ATG2B: variants seen among roughly 807,000 people sequenced by gnomAD.
The protein encoded by ATG2B is autophagy related 2B.
A neutral mutation model predicts 241.3 loss-of-function variants in ATG2B; 121 were observed. That is an observed-to-expected ratio of 0.50 (90% CI 0.43 to 0.58). The LOEUF is 0.58. Ranked by LOEUF, ATG2B falls within the 20% of genes least tolerant of loss-of-function variation. ATG2B has a pLI of 0.00. For synonymous variants in ATG2B, 858 were observed against 876.6 expected (o/e 0.98, Z 0.37); for missense variants, 2,306 against 2,491.6 (o/e 0.93, Z 1.59).
intron 6 of ATG2B, among the ~76,000 whole-genome samples, chr14:96,339,543 T>C (rs1887957440): frequency 6.6e-6 from 1 of 151,972 alleles, no homozygotes; most frequent in Admixed American, 6.6e-5. Flanking sequence ...CACTCAGCCA[T>C]AAAAAGGAAC....
At chr14:96,356,579 A>G (rs571778993) in intron 1 of ATG2B, among the ~76,000 whole-genome samples, 4 of 152,184 alleles carry the variant, frequency 2.6e-5, no homozygotes, top group South Asian at 2.1e-4. Context: ...ATTTTTAAAA[A>G]TGCAGTCAAG....
Position 96,311,579 on chromosome 14 carries a change from G to GT in ATG2B, c.3952dup (p.Thr1318AsnfsTer8), listed in dbSNP as rs1316339620. 1 of 1,609,572 alleles carries GT rather than the reference G, an allele frequency of 6.2e-7. No individual in the cohort carries two copies. Among genetic ancestry groups the GT allele is most frequent in the Non-Finnish European group, 8.5e-7 (1 of 1,177,346 alleles). ...AGAATCAGACTTCACTGCAGTTATG[G>GT]TTAACTCCAAAAGCCCCATATCCAT... is the stretch of plus-strand genomic sequence containing the variant. On this transcript the variant is annotated frameshift_variant, in exon 27 of 42. Coordinates refer to ENST00000359933, the MANE Select transcript of ATG2B (RefSeq NM_018036.7). LOFTEE classifies it high-confidence loss of function.
intron 6 of ATG2B, among the ~76,000 whole-genome samples, chr14:96,338,340 A>T (rs1040529073): frequency 5.3e-5 from 8 of 152,088 alleles, no homozygotes; most frequent in Admixed American, 3.3e-4. Context: ...GAAGTGGTGA[A>T]AGTGGGCATC....
intron 33 of ATG2B, 58 bp from the exon 34 acceptor site, chr14:96,302,166 T>C: frequency 9.3e-7 from 1 of 1,078,448 alleles, no homozygotes. Context: ...CCTTCTTCTC[T>C]TTAAAAATAA....
chr14:96,303,830 G>C (rs1424535317), intron 32 of ATG2B, among the ~76,000 whole-genome samples: 5 of 152,048 alleles, frequency 3.3e-5, no homozygotes, highest in Non-Finnish European at 7.4e-5. Flanking sequence ...TTATTTCCAA[G>C]GAAAATTCTC....
Position 96,341,610 on chromosome 14 carries a change from G to C in ATG2B, c.836C>G (p.Pro279Arg). 1 of 1,605,250 alleles carries C rather than the reference G, an allele frequency of 6.2e-7. No individual in the cohort carries two copies. Among genetic ancestry groups the C allele is most frequent in the Non-Finnish European group, 8.5e-7 (1 of 1,174,630 alleles). ...QLTRNLPEIA[P>R]SDPVQIGRLI... is the part of the protein sequence containing the mutation. ...CCGTCCAATCTGCACTGGGTCAGAA[G>C]GTGCTATCTCTGGTAAATTTCTAGT... Residue 279 changes from proline (P) to arginine (R), a missense_variant, in exon 6 of 42, where the codon CCT becomes CGT. Physicochemically the swap from Pro to Arg is moderately radical, Grantham distance 103 (BLOSUM62 -2). Coordinates refer to ENST00000359933, the MANE Select transcript of ATG2B (RefSeq NM_018036.7).
chr14:96,334,838 T>A (rs755473537), intron 6 of ATG2B, among the ~76,000 whole-genome samples: 2 of 152,224 alleles, frequency 1.3e-5, no homozygotes, highest in African/African-American at 2.4e-5. Context: ...AATAGCACAG[T>A]ATTCATTGAC....
chr14:96,351,925 AT>A (rs1888335282), intron 1 of ATG2B, among the ~76,000 whole-genome samples: 3 of 151,860 alleles, frequency 2.0e-5, no homozygotes, highest in African/African-American at 7.3e-5. Flanking sequence ...AGAAAAAAAA[AT>A]TTTTATGCTT....
At chr14:96,293,592 G>A (rs143150695) in intron 36 of ATG2B, among the ~76,000 whole-genome samples, 1 of 152,316 alleles carries the variant, frequency 6.6e-6, no homozygotes, top group African/African-American at 2.4e-5. Context: ...AAGAAAATCT[G>A]TGTTCTAGTT....
chr14:96,290,591 C>A lies in ATG2B; in HGVS notation c.5702-1G>T, dbSNP rs777809183. ...CAGACCAAGTCCTTTAGGCCTTGTA[C>A]TACAACAGTCAACACAAAATCAACA... is the stretch of plus-strand genomic sequence containing the variant. On this transcript the variant is annotated splice_acceptor_variant, in intron 39 of 41. Coordinates refer to ENST00000359933, the MANE Select transcript of ATG2B (RefSeq NM_018036.7). LOFTEE classifies it high-confidence loss of function. This position sits in a 1 kb window ranked among gnomAD's most constrained non-coding sequence, Gnocchi z 4.4. 1 of 1,613,780 alleles carries A rather than the reference C, an allele frequency of 6.2e-7. No individual in the cohort carries two copies. The highest frequency in any genetic ancestry group is 8.5e-7 in the Non-Finnish European group (1 of 1,179,808).
intron 29 of ATG2B, among the ~76,000 whole-genome samples, chr14:96,308,231 CATATATATATAT>C (rs1181364234): frequency 5.7e-5 from 1 of 17,604 alleles, no homozygotes; most frequent in African/African-American, 1.9e-4. Flanking sequence ...TATATATATA[CATATATATATAT>C]ATATATATAC....
At position 96,291,618 on chromosome 14, in the gene ATG2B, C is replaced by G; in HGVS notation, c.5561G>C (p.Arg1854Thr). The G allele has an allele frequency of 6.2e-7, 1 of 1,602,784 alleles. No individual in the cohort carries two copies. Among genetic ancestry groups the G allele is most frequent in the South Asian group, 1.1e-5 (1 of 89,320 alleles). ...QLNCSELKLK[R>T]LSYRHGLLGV... ...CACTTACCCATGTCGATAGGAAAGCCTCTTGAGCTTTAGTTCAGAGCAGTT... is the reference window on the plus strand; with the variant it reads ...CACTTACCCATGTCGATAGGAAAGCGTCTTGAGCTTTAGTTCAGAGCAGTT... Residue 1854 changes from arginine to threonine, a missense_variant, in exon 38 of 42, where the codon AGG becomes ACG. Arg to Thr is a moderately conservative substitution (Grantham distance 71, BLOSUM62 -1). Coordinates refer to ENST00000359933, the MANE Select transcript of ATG2B (RefSeq NM_018036.7).
intron 32 of ATG2B, among the ~76,000 whole-genome samples, chr14:96,303,733 T>C (rs1266115444): frequency 6.6e-6 from 1 of 152,208 alleles, no homozygotes; most frequent in Admixed American, 6.5e-5. Flanking sequence ...TATTACCATG[T>C]ATGTCTGTGG....
chr14:96,335,294 A>C (rs1024062311), intron 6 of ATG2B, among the ~76,000 whole-genome samples: 2 of 152,208 alleles, frequency 1.3e-5, no homozygotes, highest in Non-Finnish European at 2.9e-5. Flanking sequence ...TAATAGAATT[A>C]ACAAAACATT....
At chr14:96,313,032 T>G (rs1158869709) in intron 25 of ATG2B, 33 bp downstream of exon 25, 2 of 1,350,310 alleles carry the variant, frequency 1.5e-6, no homozygotes, top group African/African-American at 1.5e-5. Context: ...TCGAACAGCT[T>G]TGTTTAGTAT....
At position 96,331,458 on chromosome 14, in the gene ATG2B, T is replaced by A. The variant is rs567106999; in HGVS notation, c.1648A>T (p.Ile550Phe). 1.2e-6 allele frequency: 2 copies of A among 1,613,998 alleles called. No individual in the cohort carries two copies. The highest frequency in any genetic ancestry group is 1.7e-6 in the Non-Finnish European group (2 of 1,179,984). Reference sequence around the variant, plus strand: ...TCTGTTGAAAATCTTGCTGGATCAATCTTTTCTATACAAGTAAAGAAAGCT... The same window carrying A: ...TCTGTTGAAAATCTTGCTGGATCAAACTTTTCTATACAAGTAAAGAAAGCT... ...AVAFFTCIEK[I>F]DPARFSTEDF... Residue 550 changes from isoleucine (I) to phenylalanine (F), a missense_variant, in exon 11 of 42, where the codon ATT becomes TTT. By Grantham distance (21) the Ile-to-Phe change is conservative (BLOSUM62 0). Transcript: ENST00000359933.
intron 1 of ATG2B, among the ~76,000 whole-genome samples, chr14:96,359,933 C>CAA (rs1339140328): frequency 1.3e-5 from 2 of 152,202 alleles, no homozygotes; most frequent in Non-Finnish European, 2.9e-5. Context: ...CACCTTCCTT[C>CAA]AAGCCACATA....
chr14:96,325,748 G>A lies in ATG2B; in HGVS notation c.2338C>T (p.Leu780Phe). 1 of 1,613,890 alleles carries A rather than the reference G, an allele frequency of 6.2e-7. No individual in the cohort carries two copies. The highest frequency in any genetic ancestry group is 1.3e-5 in the African/African-American group (1 of 74,992). ...WFKKSLQKEI[L>F]YLAFTDLEFK... Reference sequence around the variant, plus strand: ...TCTAGATCTGTGAAGGCTAAATAAAGGATCTCCTTCTGAAGTGACTTCTTA... The same window carrying A: ...TCTAGATCTGTGAAGGCTAAATAAAAGATCTCCTTCTGAAGTGACTTCTTA... The change falls in exon 15 of 42, where the codon CTT (leucine) becomes TTT (phenylalanine). Residue 780 changes from leucine (L) to phenylalanine (F), a missense_variant. By Grantham distance (22) the Leu-to-Phe change is conservative. This residue lies in a region of ATG2B where 1,927 missense variants were observed against 2,011.2 expected (regional missense o/e 0.96). Coordinates refer to ENST00000359933, the MANE Select transcript of ATG2B (RefSeq NM_018036.7).
At chr14:96,359,967 T>C (rs1358844169) in intron 1 of ATG2B, among the ~76,000 whole-genome samples, 1 of 152,216 alleles carries the variant, frequency 6.6e-6, no homozygotes, top group Admixed American at 6.5e-5. Flanking sequence ...AAGAGAAAAC[T>C]AGTAGTTCCA....
Sources: allele counts gnomAD v4.1 joint callset (sites outside exome capture counted in the v4.1 genomes callset), GRCh38; gene constraint gnomAD v4.1.1; regional missense constraint gnomAD v4.1.1; non-coding constraint Gnocchi (gnomAD v3.1); transcripts MANE v1.5; gene names NCBI Gene and HGNC (gene_info 2026-07-23, HGNC 2026-07-21).